Variants in CPE observed in about 807,000 individuals in gnomAD.
CPE encodes carboxypeptidase E.
A neutral mutation model predicts 53.5 loss-of-function variants in CPE; 17 were observed. The ratio of observed to expected loss-of-function variants is 0.32; its 90% CI spans 0.22 to 0.48. The LOEUF is 0.48. Among genes scored for constraint, CPE ranks in the 20% least tolerant of loss-of-function variants. The pLI is 0.99. For synonymous variants in CPE, 226 were observed against 228.8 expected (o/e 0.99, Z 0.11); for missense variants, 524 against 614.7 (o/e 0.85, Z 1.56).
intron 1 of CPE, among the ~76,000 whole-genome samples, chr4:165,395,781 C>T (rs908091463): frequency 1.3e-5 from 2 of 152,120 alleles, no homozygotes; most frequent in Admixed American, 1.3e-4. Context: ...GCTCACTAGG[C>T]ACATGCATAA....
intron 1 of CPE, among the ~76,000 whole-genome samples, chr4:165,458,437 T>C (rs1470020732): frequency 6.6e-6 from 1 of 152,208 alleles, no homozygotes; most frequent in African/African-American, 2.4e-5. Context: ...AACTTCCAAA[T>C]GAATTAGTGC....
intron 1 of CPE, among the ~76,000 whole-genome samples, chr4:165,414,386 G>A (rs1248605236): frequency 6.6e-6 from 1 of 152,166 alleles, no homozygotes; most frequent in Non-Finnish European, 1.5e-5. Context: ...AGAAGAGTAA[G>A]TTTATAGAGT....
At chr4:165,447,124 C>T (rs372500792) in intron 1 of CPE, among the ~76,000 whole-genome samples, 18 of 152,248 alleles carry the variant, frequency 1.2e-4, no homozygotes, top group Admixed American at 3.3e-4. Flanking sequence ...AAAAATGGTA[C>T]ACCTGTATAG....
intron 1 of CPE, among the ~76,000 whole-genome samples, chr4:165,459,090 A>G (rs1056822221): frequency 3.3e-4 from 50 of 152,182 alleles, no homozygotes; most frequent in African/African-American, 1.1e-3. Context: ...CTGGGGTGTA[A>G]AAGAGTAACA....
intron 1 of CPE, among the ~76,000 whole-genome samples, chr4:165,456,808 C>T (rs141547540): frequency 6.9e-6 from 1 of 144,964 alleles, no homozygotes; most frequent in Non-Finnish European, 1.5e-5. Flanking sequence ...GTGGCACGAT[C>T]TTGGCTCACT....
Position 165,487,150 on chromosome 4 carries a change from C to T in CPE, c.974-288C>T, listed in dbSNP as rs66971706. Reference sequence around the variant, plus strand: ...AAGTCTTTTACCCTGTTGTCTTCTCCGAAGCCCACTCCAGCAATGTGGAAG... The same window carrying T: ...AAGTCTTTTACCCTGTTGTCTTCTCTGAAGCCCACTCCAGCAATGTGGAAG... On this transcript the variant is annotated intron_variant, in intron 5 of 8. Transcript: ENST00000402744. Among the ~76,000 whole-genome samples, 16,561 of 152,162 alleles carry T rather than the reference C, an allele frequency of 0.11. 944 individuals are homozygous for T. The highest frequency in any genetic ancestry group is 0.15 in the South Asian group (744 of 4,818).
intron 1 of CPE, among the ~76,000 whole-genome samples, chr4:165,450,726 A>C (rs1003149088): frequency 7.2e-5 from 11 of 152,210 alleles, no homozygotes; most frequent in Admixed American, 3.9e-4. Context: ...TGTATCTAAC[A>C]TCAGATTTAA....
intron 1 of CPE, among the ~76,000 whole-genome samples, chr4:165,447,081 A>G (rs942168557): frequency 6.6e-6 from 1 of 152,204 alleles, no homozygotes; most frequent in African/African-American, 2.4e-5. Context: ...CTAAATATAG[A>G]AAAGGTACAA....
intron 1 of CPE, among the ~76,000 whole-genome samples, chr4:165,451,665 A>T (rs1731812336): frequency 6.6e-6 from 1 of 151,682 alleles, no homozygotes; most frequent in Non-Finnish European, 1.5e-5. Flanking sequence ...CTAATTTTTG[A>T]ATTTTTAGTA....
intron 1 of CPE, among the ~76,000 whole-genome samples, chr4:165,447,129 G>C (rs555878230): frequency 4.6e-5 from 7 of 152,330 alleles, no homozygotes; most frequent in African/African-American, 1.7e-4. Flanking sequence ...TGGTACACCT[G>C]TATAGGGCAC....
intron 2 of CPE, 69 bp downstream of exon 2, chr4:165,464,655 T>A: frequency 4.4e-6 from 6 of 1,364,302 alleles, no homozygotes; most frequent in Non-Finnish European, 5.9e-6. Flanking sequence ...TACATGTTTA[T>A]CTAAAAATTA....
At chr4:165,399,868 G>T (rs971579164) in intron 1 of CPE, among the ~76,000 whole-genome samples, 9 of 152,000 alleles carry the variant, frequency 5.9e-5, no homozygotes, top group Non-Finnish European at 1.3e-4. Flanking sequence ...GTAGAGGAGA[G>T]AAGAGAATTC....
intron 1 of CPE, among the ~76,000 whole-genome samples, chr4:165,463,524 G>A (rs1732044207): frequency 6.6e-6 from 1 of 152,126 alleles, no homozygotes; most frequent in South Asian, 2.1e-4. Flanking sequence ...GCTAGGATTT[G>A]AATCCATGCA....
Position 165,484,667 on chromosome 4 carries a change from T to A in CPE, c.973+63T>A, listed in dbSNP as rs1732474499. On this transcript the variant is annotated intron_variant, in intron 5 of 8. Coordinates refer to ENST00000402744, the MANE Select transcript of CPE (RefSeq NM_001873.4). ...GCTTATTTACAATGACCATTTAGGTTTAGAGAGTGATTTAGATTTAGAGAA... is the reference window on the plus strand; with the variant it reads ...GCTTATTTACAATGACCATTTAGGTATAGAGAGTGATTTAGATTTAGAGAA... 2.1e-6 allele frequency: 3 copies of A among 1,421,604 alleles called. No homozygotes were observed. In the South Asian group the frequency reaches 4.1e-5, roughly 19 times the overall value. 88.1% of individuals were successfully genotyped at this position (1,421,604 alleles called of 1,614,324 possible).
chr4:165,432,319 A>C (rs1436473667), intron 1 of CPE, among the ~76,000 whole-genome samples: 1 of 152,152 alleles, frequency 6.6e-6, no homozygotes, highest in Non-Finnish European at 1.5e-5. Flanking sequence ...TGTGTGAGAC[A>C]GGGTCTTGCT....
At chr4:165,396,072 A>T (rs116661800) in intron 1 of CPE, among the ~76,000 whole-genome samples, 4 of 152,264 alleles carry the variant, frequency 2.6e-5, no homozygotes, top group Admixed American at 2.6e-4. Context: ...GAAAAAAGGT[A>T]TGTGTGTGTT....
chr4:165,420,777 G>A (rs115659996), intron 1 of CPE, among the ~76,000 whole-genome samples: 2,818 of 152,132 alleles, frequency 0.019, 83 homozygotes, highest in African/African-American at 0.063. Context: ...CCATTCTTCT[G>A]AAGTTGCAGA....
intron 1 of CPE, among the ~76,000 whole-genome samples, chr4:165,380,196 C>G (rs780873369): frequency 3.3e-5 from 5 of 152,136 alleles, no homozygotes; most frequent in Non-Finnish European, 7.3e-5. Flanking sequence ...GTTGGTGCCC[C>G]TCCTCCTACC....
intron 1 of CPE, among the ~76,000 whole-genome samples, chr4:165,394,557 A>C (rs890172651): frequency 1.4e-4 from 22 of 152,096 alleles, no homozygotes; most frequent in African/African-American, 4.8e-4. Context: ...TAATATAAAT[A>C]ACTAAAAATG....
Sources: gnomAD v4.1 joint callset for allele counts (sites outside exome capture counted in the v4.1 genomes callset) on GRCh38, gnomAD v4.1.1 for gene constraint, MANE v1.5 for transcripts, NCBI Gene and HGNC (gene_info 2026-07-23, HGNC 2026-07-21) for gene names.